The following MEFV variants were observed in gnomAD, a reference collection of about 807,000 sequenced individuals.
MEFV encodes the protein MEFV innate immunity regulator, pyrin.
A neutral mutation model predicts 62.5 loss-of-function variants in MEFV; 60 were observed. The ratio of observed to expected loss-of-function variants is 0.96; its 90% CI spans 0.78 to 1.19. The LOEUF (loss-of-function observed/expected upper bound fraction) is 1.19, where lower values mean the gene tolerates loss of function less well. Ranked by LOEUF, MEFV falls within the 50% of genes most tolerant of loss-of-function variation. The pLI is 0.00. For missense variants in MEFV, 1,169 were observed against 1,004.5 expected, an observed-to-expected ratio of 1.16 and a Z score of -2.21; for synonymous variants, 500 against 415.2, an observed-to-expected ratio of 1.20 and a Z score of -2.48.
At chr16:3,249,910 C>T in intron 2 of MEFV, 130 bp from the exon 3 acceptor site, 1 of 770,710 alleles carries the variant, frequency 1.3e-6, no homozygotes, top group East Asian at 2.7e-5. Flanking sequence ...TGCCCACTTC[C>T]TAGCTTGTCC....
chr16:3,244,388 A>G (rs1320181508), intron 7 of MEFV, 85 bp downstream of exon 7: 1 of 1,599,662 alleles, frequency 6.3e-7, no homozygotes, highest in Non-Finnish European at 8.6e-7. Context: ...CCAGGGGAAG[A>G]GGAGGGAAGT....
rs1367776459 is a variant in MEFV at position 3,243,616 on chromosome 16, T to C, written c.1871A>G (p.Asn624Ser). 6.3e-7 allele frequency: 1 copy of C among 1,598,728 alleles called. No homozygotes were observed. The highest frequency in any genetic ancestry group is 1.7e-5 in the Admixed American group (1 of 58,346). ...SDDLKSVRLGNKWERLPDGPQ... is the reference protein window; with the variant it reads ...SDDLKSVRLGSKWERLPDGPQ... ...GCCATCAGGCAGCCTCTCCCACTTG[T>C]TTCCAAGTCTAACACTCTTCAGATC... Residue 624 changes from asparagine (N) to serine (S), a missense_variant, in exon 10 of 10, where the codon AAC (asparagine) becomes AGC (serine). By Grantham distance (46) the Asn-to-Ser change is conservative. Transcript: ENST00000219596.
intron 4 of MEFV, 48 bp downstream of exon 4, chr16:3,248,861 C>T: frequency 6.2e-7 from 1 of 1,612,598 alleles, no homozygotes; most frequent in Non-Finnish European, 8.5e-7. Context: ...TCACTCTTCC[C>T]ACCTTCCTCC....
At position 3,242,768 on chromosome 16, in the gene MEFV, C is replaced by A. The variant is rs540513903; in HGVS notation, c.*373G>T. 1 of 334,818 alleles carries A rather than the reference C, an allele frequency of 3.0e-6. No individual in the cohort carries two copies. Among genetic ancestry groups the A allele is most frequent in the Non-Finnish European group, 5.8e-6 (1 of 172,820 alleles). The allele number at this position is 334,818 out of a possible 1,614,324, so 20.7% of individuals were successfully genotyped here. On this transcript the variant is annotated 3_prime_UTR_variant, in exon 10 of 10. Coordinates refer to ENST00000219596, the MANE Select transcript of MEFV (RefSeq NM_000243.3). The stretch of plus-strand genomic sequence containing the variant: ...TTGCGTTTCTCTAGGCTTCCCATAT[C>A]CTCAAGACAGAAGCAGAGAGAACAA...
chr16:3,254,662 C>A lies in MEFV; in HGVS notation c.406G>T (p.Gly136Trp). 6.2e-7 allele frequency: 1 copy of A among 1,610,856 alleles called. No individual in the cohort carries two copies. Among genetic ancestry groups the A allele is most frequent in the Non-Finnish European group, 8.5e-7 (1 of 1,179,354 alleles). Residue 136 changes from glycine (G) to tryptophan (W), a missense_variant, in exon 2 of 10, where the codon GGG (glycine) becomes TGG (tryptophan). Physicochemically the swap from Gly to Trp is radical, Grantham distance 184 (BLOSUM62 -2). Transcript: ENST00000219596. ...CACCGCAGGCTGGCAGCTCCGCCCC[C>A]GTACGGCCGAGGGCCGTTCCCCTCG... ...GNEGNGPRPY[G>W]GGAASLRCSQ...
At chr16:3,254,972 C>A (rs186214524) in intron 1 of MEFV, among the ~76,000 whole-genome samples, 182 bp from the exon 2 acceptor site, 11 of 152,280 alleles carry the variant, frequency 7.2e-5, no homozygotes, top group Admixed American at 3.3e-4. Flanking sequence ...GGGAGGATCA[C>A]CTGAGATCAG....
intron 2 of MEFV, 32 bp downstream of exon 2, chr16:3,254,126 G>A: frequency 6.2e-7 from 1 of 1,610,126 alleles, no homozygotes; most frequent in Admixed American, 1.7e-5. Context: ...TTTCTCTGCA[G>A]CCGATATAAA....
In MEFV at chr16:3,246,889, C is replaced by G; in HGVS notation, c.1587+127G>C. 7 of 946,858 alleles carry G rather than the reference C, an allele frequency of 7.4e-6. 1 individual carries two copies. The highest frequency in any genetic ancestry group is 1.2e-5 in the Non-Finnish European group (7 of 594,568). The allele number at this position is 946,858 out of a possible 1,614,324, so 58.7% of individuals were successfully genotyped here. ...CAAGAGGCACTGTGGGTCACCAAGA[C>G]CAAGTCCTATCCTAGGCCTTAGGGG... On this transcript the variant is annotated intron_variant, in intron 5 of 9. Coordinates refer to ENST00000219596, the MANE Select transcript of MEFV (RefSeq NM_000243.3).
chr16:3,244,230 A>G (rs1254644817), intron 8 of MEFV, 24 bp downstream of exon 8: 3 of 1,613,940 alleles, frequency 1.9e-6, no homozygotes, highest in Non-Finnish European at 2.5e-6. Flanking sequence ...CCAGGCCAGC[A>G]CACACCATTA....
chr16:3,256,522 CT>C lies in MEFV; in HGVS notation c.65del (p.Glu22GlyfsTer30), dbSNP rs747811800. Reference sequence around the variant, plus strand: ...TGTTCTGCAGCTTGAACTTGAACTTCTCGAAGTCATAGGGCACCAGCTCCTC... The same window carrying C: ...TGTTCTGCAGCTTGAACTTGAACTTCCGAAGTCATAGGGCACCAGCTCCTC... ...TLEELVPYDFEKFKFKLQNTS... is the reference protein window; with the variant it reads ...TLEELVPYDFXKFKFKLQNTS... On this transcript the variant is annotated frameshift_variant, in exon 1 of 10. Coordinates refer to ENST00000219596, the MANE Select transcript of MEFV (RefSeq NM_000243.3). LOFTEE classifies it high-confidence loss of function. The C allele has an allele frequency of 1.2e-6, 2 of 1,614,214 alleles. No individual in the cohort carries two copies. Among genetic ancestry groups the C allele is most frequent in the Non-Finnish European group, 1.7e-6 (2 of 1,180,046 alleles).
At chr16:3,243,776 A>G (rs1958897529) in intron 9 of MEFV, 82 bp from the exon 10 acceptor site, 8 of 1,608,774 alleles carry the variant, frequency 5.0e-6, no homozygotes, top group Non-Finnish European at 6.8e-6. Flanking sequence ...GGAAACAGGG[A>G]CAGGGTAGTT....
At chr16:3,249,404 A>C in intron 3 of MEFV, 27 bp downstream of exon 3, 1 of 1,597,686 alleles carries the variant, frequency 6.3e-7, no homozygotes, top group Non-Finnish European at 8.6e-7. Context: ...CCTGGCAGAG[A>C]AGAGCCCACA....
rs114899317 is a variant in MEFV, at chr16:3,247,506, T to A, written c.1357-260A>T. On this transcript the variant is annotated intron_variant, in intron 4 of 9. Coordinates refer to ENST00000219596, the MANE Select transcript of MEFV (RefSeq NM_000243.3). The stretch of plus-strand genomic sequence containing the variant: ...TGTGTCCCTTCCAAAATTTACACGT[T>A]GAAGCCCTAACCCCCAGTACTCAGC... The A allele has an allele frequency of 2.4e-3, 1,275 of 529,878 alleles. 20 individuals carry two copies. The highest frequency in any genetic ancestry group is 0.022 in the African/African-American group (1,154 of 52,226). 32.8% of individuals were successfully genotyped at this position (529,878 alleles called of 1,614,324 possible).
chr16:3,248,811 G>A (rs569210744), intron 4 of MEFV, 98 bp downstream of exon 4: 464 of 1,602,356 alleles, frequency 2.9e-4, no homozygotes, highest in Middle Eastern at 5.1e-4. Flanking sequence ...GGCCATCCCT[G>A]CTGCCCTGTG....
In MEFV at chr16:3,254,716, G is replaced by A; in HGVS notation, c.352C>T (p.Leu118=). 6.2e-7 allele frequency: 1 copy of A among 1,612,850 alleles called. No individual in the cohort carries two copies. Among genetic ancestry groups the A allele is most frequent in the Non-Finnish European group, 8.5e-7 (1 of 1,180,014 alleles). ...CCCTCGGGGTGGTCTGGAGTCTTCA[G>A]GCTCCTGGGCTTGTTCTCCCCCAGG... The part of the protein sequence containing the change: ...SSLGENKPRS[L]KTPDHPEGNE... The change falls in exon 2 of 10, where the codon CTG becomes TTG. Residue 118 remains leucine, a synonymous_variant. Transcript: ENST00000219596.
chr16:3,243,923 T>G (rs931210912), intron 8 of MEFV, 31 bp from the exon 9 acceptor site: 1 of 1,613,094 alleles, frequency 6.2e-7, no homozygotes, highest in East Asian at 2.2e-5. Flanking sequence ...GGGAAAAAAA[T>G]CCTGAGCATT....
intron 4 of MEFV, chr16:3,248,479 A>C: frequency 4.0e-6 from 1 of 249,058 alleles, no homozygotes; most frequent in Non-Finnish European, 8.1e-6. Context: ...AATCCCAGCT[A>C]CTCAGGAGGC....
Position 3,249,842 on chromosome 16 carries a change from T to A in MEFV, c.911-62A>T, listed in dbSNP as rs905998095. ...AACCCAAGTTGCTTACACAGAGGTA[T>A]CACAAAGCACAGCGGACACAGCCCT... On this transcript the variant is annotated intron_variant, in intron 2 of 9. Coordinates refer to ENST00000219596, the MANE Select transcript of MEFV (RefSeq NM_000243.3). 14 of 1,365,556 alleles carry A rather than the reference T, an allele frequency of 1.0e-5. No individual in the cohort carries two copies. In the Admixed American group the frequency reaches 2.4e-4, roughly 24 times the overall value. The allele number at this position is 1,365,556 out of a possible 1,614,324, so 84.6% of individuals were successfully genotyped here.
rs1567237732 is a variant in MEFV at position 3,254,692 on chromosome 16, C to T, written c.376G>A (p.Gly126Arg). The T allele has an allele frequency of 7.4e-6, 12 of 1,612,672 alleles. No homozygotes were observed. The highest frequency in any genetic ancestry group is 1.0e-5 in the Non-Finnish European group (12 of 1,179,972). ...RSLKTPDHPE[G>R]NEGNGPRPYG... ...GGCCGAGGGCCGTTCCCCTCGTTCC[C>T]CTCGGGGTGGTCTGGAGTCTTCAGG... Residue 126 changes from glycine (G) to arginine (R), a missense_variant, in exon 2 of 10, where the codon GGG becomes AGG. Gly to Arg is a moderately radical substitution (Grantham distance 125). Coordinates refer to ENST00000219596, the MANE Select transcript of MEFV (RefSeq NM_000243.3).
Sources: gnomAD v4.1 joint callset for allele counts (sites outside exome capture counted in the v4.1 genomes callset) on GRCh38, gnomAD v4.1.1 for gene constraint, MANE v1.5 for transcripts, NCBI Gene and HGNC (gene_info 2026-07-23, HGNC 2026-07-21) for gene names.